The following ECPAS variants were observed in gnomAD, a reference collection of about 807,000 sequenced individuals.
ECPAS encodes the protein proteasome adapter and scaffold protein ECM29.
Under a neutral mutation model 255.1 loss-of-function variants are expected in ECPAS, and 70 were observed. The ratio of observed to expected loss-of-function variants is 0.27; its 90% CI spans 0.23 to 0.33. ECPAS has a LOEUF of 0.33. Among genes scored for constraint, ECPAS ranks in the 10% least tolerant of loss-of-function variants. The probability of loss-of-function intolerance (pLI) is 1.00; values close to 1 mark genes in which losing one functional copy is unlikely to be tolerated. For synonymous variants in ECPAS, 784 were observed against 775.0 expected (o/e 1.01, Z -0.19); for missense variants, 1,817 against 2,206.4 (o/e 0.82, Z 3.54).
chr9:111,448,048 C>T (rs1013919618), intron 3 of ECPAS, among the ~76,000 whole-genome samples: 3 of 151,838 alleles, frequency 2.0e-5, no homozygotes, highest in African/African-American at 4.8e-5. Flanking sequence ...GTTCCCAACC[C>T]AAAGGAAAAA....
At chr9:111,380,594 C>T (rs564004164) in intron 35 of ECPAS, among the ~76,000 whole-genome samples, 122 of 152,196 alleles carry the variant, frequency 8.0e-4, no homozygotes, top group Non-Finnish European at 1.2e-3. Flanking sequence ...GCCTTTGAAG[C>T]GTTGCAGCCG....
chr9:111,407,428 A>AAG (rs2098186397), intron 24 of ECPAS, among the ~76,000 whole-genome samples: 12 of 98,726 alleles, frequency 1.2e-4, no homozygotes, highest in Non-Finnish European at 1.8e-4. Context: ...AAAAAAAAAA[A>AAG]AAAAAAAAAA....
At chr9:111,400,110 G>A (rs1043651454) in intron 24 of ECPAS, among the ~76,000 whole-genome samples, 1 of 152,212 alleles carries the variant, frequency 6.6e-6, no homozygotes, top group Admixed American at 6.5e-5. Context: ...ACTTTGCCTG[G>A]GAACCCAGAG....
intron 31 of ECPAS, among the ~76,000 whole-genome samples, 161 bp downstream of exon 31, chr9:111,389,395 A>G (rs1224173774): frequency 6.6e-6 from 1 of 152,262 alleles, no homozygotes. Context: ...CATCTTTGAT[A>G]CCTTGAAAGA....
chr9:111,440,370 A>G lies in ECPAS; in HGVS notation c.539+2T>C. The G allele has an allele frequency of 6.3e-7, 1 of 1,591,956 alleles. No individual in the cohort carries two copies. The highest frequency in any genetic ancestry group is 8.6e-7 in the Non-Finnish European group (1 of 1,167,016). On this transcript the variant is annotated splice_donor_variant, in intron 6 of 49. Transcript: ENST00000684092. LOFTEE classifies it high-confidence loss of function. Reference sequence around the variant, plus strand: ...CAAGGTTGCTTTTATTTTTTAACTCACCCATAAGGCATCAGAAGGACATCT... The same window carrying G: ...CAAGGTTGCTTTTATTTTTTAACTCGCCCATAAGGCATCAGAAGGACATCT...
intron 6 of ECPAS, among the ~76,000 whole-genome samples, chr9:111,439,962 G>C (rs753151431): frequency 1.1e-4 from 17 of 152,180 alleles, no homozygotes; most frequent in Non-Finnish European, 2.4e-4. Flanking sequence ...AAAAGCTGGA[G>C]ACAATTTATC....
chr9:111,481,192 A>G (rs892889604), intron 1 of ECPAS, among the ~76,000 whole-genome samples: 7 of 152,362 alleles, frequency 4.6e-5, no homozygotes, highest in Middle Eastern at 3.4e-3. Context: ...TGGTACAACC[A>G]CTGTCAAAAA....
chr9:111,466,186 C>T (rs1419098179), intron 2 of ECPAS, among the ~76,000 whole-genome samples: 1 of 152,134 alleles, frequency 6.6e-6, no homozygotes, highest in Non-Finnish European at 1.5e-5. Context: ...CGGTGGCTCA[C>T]ACCTGTAATC....
intron 2 of ECPAS, among the ~76,000 whole-genome samples, chr9:111,468,493 C>G (rs1008123002): frequency 6.6e-6 from 1 of 152,034 alleles, no homozygotes; most frequent in Non-Finnish European, 1.5e-5. Flanking sequence ...GCAGCAGTTA[C>G]TGCCGAGAGA....
At chr9:111,458,162 A>C (rs576213859) in intron 2 of ECPAS, among the ~76,000 whole-genome samples, 5 of 152,224 alleles carry the variant, frequency 3.3e-5, no homozygotes, top group Non-Finnish European at 5.9e-5. Flanking sequence ...CCGAGAGTCT[A>C]AGATATAAAG....
chr9:111,365,368 T>C (rs962524366), intron 48 of ECPAS, among the ~76,000 whole-genome samples: 4 of 151,816 alleles, frequency 2.6e-5, no homozygotes, highest in Admixed American at 2.6e-4. Flanking sequence ...GAAAAAATCC[T>C]ATAAAGAACA....
Position 111,410,087 on chromosome 9 carries a change from A to G in ECPAS, c.2504T>C (p.Val835Ala). ...AGGTATTCTACTTAGTAAGCTTTCT[A>G]CAAGATGCAATTTGGTAAAGCCAGA... ...EGSGFTKLHL[V>A]ESLLSRIPSS... The change falls in exon 23 of 50, where the codon GTA becomes GCA. Residue 835 changes from valine (V) to alanine (A), a missense_variant. Transcript: ENST00000684092. The G allele has an allele frequency of 1.3e-6, 2 of 1,590,856 alleles. No individual in the cohort carries two copies. The highest frequency in any genetic ancestry group is 1.1e-5 in the South Asian group (1 of 87,398).
chr9:111,389,302 T>C (rs753294651), intron 31 of ECPAS, among the ~76,000 whole-genome samples: 1 of 152,256 alleles, frequency 6.6e-6, no homozygotes, highest in African/African-American at 2.4e-5. Context: ...TTTGTGTGAA[T>C]ACATAATCAT....
At chr9:111,448,626 T>C (rs545287714) in intron 3 of ECPAS, among the ~76,000 whole-genome samples, 1 of 152,328 alleles carries the variant, frequency 6.6e-6, no homozygotes. Flanking sequence ...TACTAATGAA[T>C]GGCCTTAGCG....
At chr9:111,414,075 G>T in intron 19 of ECPAS, 89 bp from the exon 20 acceptor site, 1 of 757,746 alleles carries the variant, frequency 1.3e-6, no homozygotes, top group Non-Finnish European at 2.1e-6. Context: ...TAAGGCCACT[G>T]CTTTAGCACA....
intron 46 of ECPAS, among the ~76,000 whole-genome samples, chr9:111,367,745 A>G (rs1297175580): frequency 6.6e-6 from 1 of 152,152 alleles, no homozygotes; most frequent in Non-Finnish European, 1.5e-5. Flanking sequence ...ACTTTTTATA[A>G]CATTCAATAA....
intron 16 of ECPAS, among the ~76,000 whole-genome samples, chr9:111,419,779 T>C (rs1040097812): frequency 4.0e-5 from 6 of 149,928 alleles, no homozygotes; most frequent in African/African-American, 1.5e-4. Flanking sequence ...ATATATCATA[T>C]ATTACACATA....
chr9:111,437,715 T>C (rs1462965258), intron 6 of ECPAS, among the ~76,000 whole-genome samples: 2 of 152,198 alleles, frequency 1.3e-5, no homozygotes, highest in Non-Finnish European at 2.9e-5. Flanking sequence ...GAACTGACTT[T>C]TCCCATTACA....
intron 23 of ECPAS, among the ~76,000 whole-genome samples, chr9:111,408,984 C>T (rs1249676824): frequency 3.3e-5 from 5 of 152,172 alleles, no homozygotes; most frequent in Non-Finnish European, 7.3e-5. Flanking sequence ...AGGACCAAAT[C>T]ACATCTCAAC....
Sources: gnomAD v4.1 joint callset for allele counts (sites outside exome capture counted in the v4.1 genomes callset) on GRCh38, gnomAD v4.1.1 for gene constraint, MANE v1.5 for transcripts, NCBI Gene and HGNC (gene_info 2026-07-23, HGNC 2026-07-21) for gene names.